The following ARHGEF7 variants were observed in gnomAD, a reference collection of about 807,000 sequenced individuals.
The protein encoded by ARHGEF7 is Rho guanine nucleotide exchange factor 7, also known as PAK-interacting exchange factor beta.
ARHGEF7 carries 33 observed loss-of-function variants against 109.8 expected under a neutral mutation model. The observed-to-expected ratio is 0.30, with a 90% CI of 0.23 to 0.40. ARHGEF7 has a LOEUF of 0.40. ARHGEF7 is among the 10% of genes least tolerant of loss of function. The pLI is 1.00. For missense variants in ARHGEF7, 938 were observed against 1,098.5 expected (o/e 0.85, Z 2.07); for synonymous variants, 458 against 424.6 (o/e 1.08, Z -0.97).
intron 1 of ARHGEF7, among the ~76,000 whole-genome samples, chr13:111,151,619 A>T (rs139182037): frequency 2.6e-3 from 394 of 152,350 alleles, no homozygotes; most frequent in African/African-American, 8.2e-3. Context: ...ACAGATGTGA[A>T]TGCACTGTAT....
At chr13:111,187,123 C>A in intron 2 of ARHGEF7, 1 of 541,056 alleles carries the variant, frequency 1.8e-6, no homozygotes, top group Non-Finnish European at 2.4e-6. Flanking sequence ...GGCCCTAGTG[C>A]TACAGTGGTG....
chr13:111,220,156 A>G (rs2083641900), intron 5 of ARHGEF7, among the ~76,000 whole-genome samples: 3 of 152,210 alleles, frequency 2.0e-5, no homozygotes, highest in Admixed American at 1.3e-4. Context: ...CTGGGAACCA[A>G]TGAGAGCAGC....
chr13:111,160,746 C>T (rs182072731), intron 2 of ARHGEF7, among the ~76,000 whole-genome samples: 26 of 152,222 alleles, frequency 1.7e-4, no homozygotes, highest in Admixed American at 1.5e-3. Flanking sequence ...CTTGTGATAA[C>T]GAGGGAGTTC....
chr13:111,254,301 C>A (rs566965212), intron 8 of ARHGEF7, among the ~76,000 whole-genome samples: 26 of 152,328 alleles, frequency 1.7e-4, no homozygotes, highest in South Asian at 4.1e-4. Context: ...AGTTTCTATT[C>A]TGGTGACAGT....
chr13:111,226,879 A>G (rs1033687688), intron 5 of ARHGEF7, among the ~76,000 whole-genome samples: 1 of 152,238 alleles, frequency 6.6e-6, no homozygotes, highest in African/African-American at 2.4e-5. Context: ...TGTTAAGAAC[A>G]TTTGTGATTT....
chr13:111,273,367 A>T lies in ARHGEF7; in HGVS notation c.1074-447A>T, dbSNP rs2092294933. ...CACATAGGTGGGGCCTGCTCGCTGGACGAACTCGCATCTGGGGATGACTAC... is the reference window on the plus strand; with the variant it reads ...CACATAGGTGGGGCCTGCTCGCTGGTCGAACTCGCATCTGGGGATGACTAC... On this transcript the variant is annotated intron_variant, in intron 9 of 21. Transcript: ENST00000646102. The surrounding 1 kb of genome is among the most constrained non-coding windows in gnomAD (Gnocchi z 4.5). Among the ~76,000 whole-genome samples the T allele has an allele frequency of 6.6e-6, 1 of 152,224 alleles. No homozygotes were observed. The highest frequency in any genetic ancestry group is 6.5e-5 in the Admixed American group (1 of 15,290).
intron 2 of ARHGEF7, among the ~76,000 whole-genome samples, chr13:111,187,489 C>T (rs918152685): frequency 6.6e-5 from 10 of 152,272 alleles, no homozygotes; most frequent in Admixed American, 2.6e-4. Flanking sequence ...GTTGTGCGAA[C>T]CAATAATTTC....
intron 5 of ARHGEF7, among the ~76,000 whole-genome samples, chr13:111,224,005 C>T (rs1034164438): frequency 5.9e-5 from 9 of 151,862 alleles, no homozygotes; most frequent in East Asian, 1.9e-4. Flanking sequence ...TACAGGTGCC[C>T]GCCACCACGC....
At position 111,254,323 on chromosome 13, in the gene ARHGEF7, T is replaced by G. The variant is rs76434535; in HGVS notation, c.950+10029T>G. On this transcript the variant is annotated intron_variant, in intron 8 of 21. Transcript: ENST00000646102. ...ATTCTGGTGACAGTTTTTTTAAAAA[T>G]GTGATTTTGAGTCAAGTTGTTTGAG... 8.8e-3 allele frequency among the ~76,000 whole-genome samples: 1,341 copies of G among 152,392 alleles called. 5 individuals are homozygous for G. Among genetic ancestry groups the G allele is most frequent in the Non-Finnish European group, 0.015 (1,051 of 68,042 alleles).
At position 111,292,250 on chromosome 13, in the gene ARHGEF7, A is replaced by G; in HGVS notation, c.2267A>G (p.Asp756Gly). 1 of 1,614,174 alleles carries G rather than the reference A, an allele frequency of 6.2e-7. No homozygotes were observed. Among genetic ancestry groups the G allele is most frequent in the Non-Finnish European group, 8.5e-7 (1 of 1,180,026 alleles). Residue 756 changes from aspartate (D) to glycine (G), a missense_variant, in exon 19 of 22, where the codon GAC becomes GGC. By Grantham distance (94) the Asp-to-Gly change is moderately conservative. Coordinates refer to ENST00000646102, the MANE Select transcript of ARHGEF7 (RefSeq NM_001354046.2). ...GACCTCTCGGAAGACTCTGACTATGACAGTATATGGACAGCCCATAGTTAC... is the reference window on the plus strand; with the variant it reads ...GACCTCTCGGAAGACTCTGACTATGGCAGTATATGGACAGCCCATAGTTAC... The part of the protein sequence containing the change: ...PSDLSEDSDY[D>G]SIWTAHSYRM...
chr13:111,133,355 A>T (rs769222963), intron 1 of ARHGEF7, among the ~76,000 whole-genome samples: 16 of 152,210 alleles, frequency 1.1e-4, no homozygotes, highest in Middle Eastern at 3.4e-3. Flanking sequence ...CACACACATA[A>T]ACATACTTGA....
intron 2 of ARHGEF7, chr13:111,203,001 G>T (rs937922258): frequency 5.0e-5 from 58 of 1,152,050 alleles, no homozygotes; most frequent in Non-Finnish European, 6.3e-5. Flanking sequence ...CAGCCAATCA[G>T]ATGCTTCCTG....
At chr13:111,181,529 G>C (rs942786726) in intron 2 of ARHGEF7, among the ~76,000 whole-genome samples, 6 of 152,148 alleles carry the variant, frequency 3.9e-5, no homozygotes, top group Non-Finnish European at 8.8e-5. Flanking sequence ...AACAACTGGG[G>C]AGCATAGTCT....
chr13:111,195,013 T>C (rs1436121597), intron 2 of ARHGEF7, among the ~76,000 whole-genome samples: 1 of 152,210 alleles, frequency 6.6e-6, no homozygotes, highest in South Asian at 2.1e-4. Flanking sequence ...CCACTGACGA[T>C]TGGGTTTTTG....
intron 2 of ARHGEF7, among the ~76,000 whole-genome samples, chr13:111,193,594 A>G (rs1237325647): frequency 6.6e-6 from 1 of 152,184 alleles, no homozygotes; most frequent in Non-Finnish European, 1.5e-5. Flanking sequence ...ATCTGTATAC[A>G]CATTTATTCT....
chr13:111,211,421 A>G (rs1166044522), intron 4 of ARHGEF7, among the ~76,000 whole-genome samples: 1 of 152,136 alleles, frequency 6.6e-6, no homozygotes, highest in African/African-American at 2.4e-5. Context: ...TTTTGAGTAG[A>G]GGACTAGATT....
At chr13:111,177,892 A>T (rs1038453032) in intron 2 of ARHGEF7, among the ~76,000 whole-genome samples, 5 of 152,240 alleles carry the variant, frequency 3.3e-5, no homozygotes, top group Non-Finnish European at 7.3e-5. Context: ...AATGAAGCAG[A>T]CAGTCATGAC....
intron 6 of ARHGEF7, among the ~76,000 whole-genome samples, chr13:111,242,606 T>C (rs2087983877): frequency 6.6e-6 from 1 of 152,198 alleles, no homozygotes; most frequent in Non-Finnish European, 1.5e-5. Flanking sequence ...TGTAACAGAC[T>C]CGGGTGAAAA....
rs926880328 is a variant in ARHGEF7 at position 111,294,141 on chromosome 13, A to G, written c.2311+1847A>G. The stretch of plus-strand genomic sequence containing the variant: ...TCTCCGGCAGAGATGGGGTTTATGT[A>G]TGTTCAGCCAGATAGTAAATGGGAT... On this transcript the variant is annotated intron_variant, in intron 19 of 21. Coordinates refer to ENST00000646102, the MANE Select transcript of ARHGEF7 (RefSeq NM_001354046.2). 6 of 985,256 alleles carry G rather than the reference A, an allele frequency of 6.1e-6. No individual in the cohort carries two copies. The African/African-American group carries it at 8.7e-5, about 14-fold the overall frequency. 61.0% of individuals were successfully genotyped at this position (985,256 alleles called of 1,614,324 possible). A position where few individuals can be genotyped will look rare whatever the true frequency, so the allele number is the denominator to read the frequency against.
Sources: gnomAD v4.1 joint callset for allele counts (sites outside exome capture counted in the v4.1 genomes callset) on GRCh38, gnomAD v4.1.1 for gene constraint, Gnocchi (gnomAD v3.1) non-coding constraint, MANE v1.5 for transcripts, NCBI Gene and HGNC (gene_info 2026-07-23, HGNC 2026-07-21) for gene names.